Variants in AGMO observed in about 807,000 individuals in gnomAD.
AGMO encodes the protein glyceryl-ether monooxygenase.
Under a neutral mutation model 60.2 loss-of-function variants are expected in AGMO, and 75 were observed. The observed-to-expected ratio is 1.25, with a 90% CI of 1.03 to 1.51. The LOEUF is 1.51. AGMO is among the 40% of genes most tolerant of loss of function. AGMO has a pLI of 0.00. For synonymous variants in AGMO, 261 were observed against 177.1 expected (o/e 1.47, Z -3.76); for missense variants, 763 against 525.5 (o/e 1.45, Z -4.42).
chr7:15,395,267 A>G (rs965695170), intron 5 of AGMO, among the ~76,000 whole-genome samples: 7 of 152,234 alleles, frequency 4.6e-5, no homozygotes, highest in African/African-American at 1.7e-4. Flanking sequence ...AGGGCAAAAT[A>G]GTCACTGACA....
At chr7:15,547,971 G>T (rs1046603586) in intron 2 of AGMO, among the ~76,000 whole-genome samples, 1 of 146,918 alleles carries the variant, frequency 6.8e-6, no homozygotes, top group African/African-American at 2.4e-5. Flanking sequence ...GGAGATCTGA[G>T]AACAGGCAGA....
chr7:15,374,261 G>A (rs1014059357), intron 10 of AGMO, among the ~76,000 whole-genome samples: 3 of 152,022 alleles, frequency 2.0e-5, no homozygotes, highest in Admixed American at 6.6e-5. Context: ...AACTCCCTAG[G>A]TGGCTACCAC....
intron 3 of AGMO, among the ~76,000 whole-genome samples, chr7:15,447,066 T>G (rs1020190307): frequency 1.3e-5 from 2 of 152,224 alleles, no homozygotes; most frequent in Non-Finnish European, 2.9e-5. Context: ...AAATGAATAT[T>G]GTAGCTGAAA....
intron 3 of AGMO, among the ~76,000 whole-genome samples, chr7:15,536,641 G>A (rs764519823): frequency 6.6e-6 from 1 of 151,736 alleles, no homozygotes; most frequent in Admixed American, 6.6e-5. Flanking sequence ...TTAGTATAGG[G>A]TTGGTACAAG....
chr7:15,350,937 T>C (rs1430595331), intron 12 of AGMO, among the ~76,000 whole-genome samples: 4 of 152,202 alleles, frequency 2.6e-5, no homozygotes, highest in African/African-American at 9.6e-5. Flanking sequence ...TCCTTGCTCT[T>C]CTTGTTGTTG....
rs189026794 is a variant in AGMO at position 15,481,543 on chromosome 7, C to A, written c.410-50435G>T. Among the ~76,000 whole-genome samples the A allele has an allele frequency of 1.7e-3, 251 of 152,026 alleles. 1 individual carries two copies. The highest frequency in any genetic ancestry group is 8.4e-4 in the Non-Finnish European group (57 of 67,988). On this transcript the variant is annotated intron_variant, in intron 3 of 12. Coordinates refer to ENST00000342526, the MANE Select transcript of AGMO (RefSeq NM_001004320.2). The stretch of plus-strand genomic sequence containing the variant: ...ATATACACCTAACTCCACAAAATAG[C>A]TGAACAACATAACTTCAAAATGTAT...
At chr7:15,445,923 T>A (rs193120493) in intron 3 of AGMO, among the ~76,000 whole-genome samples, 4 of 151,966 alleles carry the variant, frequency 2.6e-5, no homozygotes, top group African/African-American at 9.7e-5. Flanking sequence ...TCCTATTCCA[T>A]CAAATACAAG....
chr7:15,317,923 A>T (rs949038545), intron 12 of AGMO, among the ~76,000 whole-genome samples: 1 of 144,092 alleles, frequency 6.9e-6, no homozygotes, highest in East Asian at 2.0e-4. Context: ...ATATATACAC[A>T]CACGTATATA....
chr7:15,318,643 T>A (rs930181330), intron 12 of AGMO, among the ~76,000 whole-genome samples: 3 of 152,156 alleles, frequency 2.0e-5, no homozygotes, highest in Non-Finnish European at 4.4e-5. Context: ...CAGAAGAATA[T>A]CATGAGCTTT....
the AGMO span, among the ~76,000 whole-genome samples, chr7:15,173,062 TTTTC>T: frequency 6.6e-6 from 1 of 152,216 alleles, no homozygotes; most frequent in East Asian, 1.9e-4. Context: ...ACTAAATCTG[TTTTC>T]TTTATTGAAA....
At chr7:15,164,705 C>A in the AGMO span, among the ~76,000 whole-genome samples, 1 of 152,010 alleles carries the variant, frequency 6.6e-6, no homozygotes, top group Non-Finnish European at 1.5e-5. Flanking sequence ...TACTCTCCCA[C>A]ACCAGTCAGA....
At chr7:15,238,090 A>T (rs1782481116) in intron 12 of AGMO, among the ~76,000 whole-genome samples, 1 of 151,748 alleles carries the variant, frequency 6.6e-6, no homozygotes, top group Non-Finnish European at 1.5e-5. Flanking sequence ...CCAGCATTTA[A>T]ACCCACTTGC....
intron 10 of AGMO, among the ~76,000 whole-genome samples, chr7:15,380,136 C>G (rs1469002401): frequency 1.3e-5 from 2 of 152,166 alleles, no homozygotes; most frequent in Middle Eastern, 6.8e-3. Flanking sequence ...CACTCCTATT[C>G]AACATAGTAT....
intron 3 of AGMO, among the ~76,000 whole-genome samples, chr7:15,452,395 A>T (rs1781878566): frequency 6.6e-6 from 1 of 152,150 alleles, no homozygotes; most frequent in African/African-American, 2.4e-5. Context: ...AAATAGAAAA[A>T]CACACAGTCT....
At chr7:15,558,207 T>C (rs574675547) in intron 2 of AGMO, among the ~76,000 whole-genome samples, 2 of 152,156 alleles carry the variant, frequency 1.3e-5, no homozygotes, top group South Asian at 2.1e-4. Context: ...TCTAATTTCA[T>C]TTGGAACAAA....
intron 12 of AGMO, among the ~76,000 whole-genome samples, chr7:15,327,530 C>T (rs183832007): frequency 6.8e-4 from 103 of 152,000 alleles, no homozygotes; most frequent in Admixed American, 2.4e-3. Context: ...TAGGACCACA[C>T]ATCCATAAAT....
intron 3 of AGMO, among the ~76,000 whole-genome samples, chr7:15,472,107 G>A (rs80053641): frequency 0.02 from 3,072 of 151,900 alleles, 100 homozygotes; most frequent in African/African-American, 0.07. Flanking sequence ...ATCATCTCAT[G>A]GTAGACATTA....
intron 4 of AGMO, among the ~76,000 whole-genome samples, chr7:15,424,300 G>A (rs1042209437): frequency 6.6e-6 from 1 of 151,988 alleles, no homozygotes; most frequent in African/African-American, 2.4e-5. Context: ...CACCATGACT[G>A]GCCCTGCTAG....
At chr7:15,275,048 G>A (rs1239574253) in intron 12 of AGMO, among the ~76,000 whole-genome samples, 1 of 151,404 alleles carries the variant, frequency 6.6e-6, no homozygotes, top group African/African-American at 2.4e-5. Flanking sequence ...ATCTCATTTA[G>A]TTCTGCTCTA....
Sources: allele counts gnomAD v4.1 joint callset (sites outside exome capture counted in the v4.1 genomes callset), GRCh38; gene constraint gnomAD v4.1.1; transcripts MANE v1.5; gene names NCBI Gene and HGNC (gene_info 2026-07-23, HGNC 2026-07-21).